APOH: variants seen among roughly 807,000 people sequenced by gnomAD.
APOH encodes the protein apolipoprotein H, also known as beta-2-glycoprotein 1.
Under a neutral mutation model 39.8 loss-of-function variants are expected in APOH, and 48 were observed. That is an observed-to-expected ratio of 1.21 (90% CI 0.96 to 1.54). The LOEUF (loss-of-function observed/expected upper bound fraction) is 1.54. Among genes scored for constraint, APOH ranks in the 40% most tolerant of loss-of-function variants. The pLI is 0.00. For missense variants in APOH, 415 were observed against 421.2 expected (o/e 0.99, Z 0.13); for synonymous variants, 153 against 151.1 (o/e 1.01, Z -0.09).
intron 4 of APOH, 39 bp from the exon 5 acceptor site, chr17:66,220,781 TA>T (rs1281262453): frequency 6.5e-7 from 1 of 1,549,432 alleles, no homozygotes; most frequent in Non-Finnish European, 8.8e-7. Flanking sequence ...TGAAAATAGT[TA>T]AGGCTTTTAA....
At chr17:66,212,596 G>A (rs1001437702) in intron 7 of APOH, among the ~76,000 whole-genome samples, 1 of 152,122 alleles carries the variant, frequency 6.6e-6, no homozygotes, top group Non-Finnish European at 1.5e-5. Context: ...TGTTGGCCAG[G>A]CTGGCCTCCT....
At chr17:66,213,745 C>T (rs1274782494) in intron 7 of APOH, among the ~76,000 whole-genome samples, 1 of 152,018 alleles carries the variant, frequency 6.6e-6, no homozygotes, top group Non-Finnish European at 1.5e-5. Flanking sequence ...CAAAACCAGC[C>T]TTGGCAACAT....
rs1243163586 is a variant in APOH, at chr17:66,223,695, T to TA, written c.415+2dup. ...CAGCTGATCACCTTGCCCACAGACT[T>TA]ACGAGCACAGACAGGAAGCTCCGGG... On this transcript the variant is annotated splice_region_variant and intron_variant, in intron 4 of 7. Coordinates refer to ENST00000205948, the MANE Select transcript of APOH (RefSeq NM_000042.3). The TA allele has an allele frequency of 2.5e-6, 4 of 1,613,938 alleles. No individual in the cohort carries two copies. The highest frequency in any genetic ancestry group is 3.4e-6 in the Non-Finnish European group (4 of 1,179,920).
Position 66,228,023 on chromosome 17 carries a change from T to C in APOH, c.238A>G (p.Thr80Ala). The change falls in exon 2 of 8, where the codon ACA (threonine) becomes GCA (alanine). Residue 80 changes from threonine (T) to alanine (A), a missense_variant. Physicochemically the swap from Thr to Ala is moderately conservative, Grantham distance 58. Around this residue, in one of 3 missense-constraint regions of APOH, gnomAD observed 288 missense variants for 284.9 expected, o/e 1.01. Coordinates refer to ENST00000205948, the MANE Select transcript of APOH (RefSeq NM_000042.3). ...GLWPINTLKC[T>A]PRVCPFAGIL... ...GTGAGAGAAGGTACTGACTTACGTG[T>C]ACATTTCAGAGTGTTGATGGGCCAC... 1 of 1,613,122 alleles carries C rather than the reference T, an allele frequency of 6.2e-7. No homozygotes were observed. The highest frequency in any genetic ancestry group is 8.5e-7 in the Non-Finnish European group (1 of 1,179,608).
intron 4 of APOH, among the ~76,000 whole-genome samples, chr17:66,221,183 T>A (rs911634847): frequency 2.0e-5 from 3 of 146,940 alleles, no homozygotes; most frequent in African/African-American, 7.6e-5. Flanking sequence ...ACAGAGTGAG[T>A]CTGTCTCAGA....
At chr17:66,213,895 A>G (rs2073349124) in intron 7 of APOH, among the ~76,000 whole-genome samples, 1 of 151,954 alleles carries the variant, frequency 6.6e-6, no homozygotes, top group African/African-American at 2.4e-5. Flanking sequence ...ATGTGATCGC[A>G]ACACTGCACT....
rs1223088808 is a variant in APOH at position 66,217,369 on chromosome 17, A to G, written c.605-402T>C. Among the ~76,000 whole-genome samples the G allele has an allele frequency of 3.0e-5, 4 of 132,354 alleles. No homozygotes were observed. In the East Asian group the frequency reaches 1.1e-3, roughly 35 times the overall value. 86.8% of individuals were successfully genotyped at this position (132,354 alleles called of 152,430 possible). A position where few individuals can be genotyped will look rare whatever the true frequency, so the allele number is the denominator to read the frequency against. Reference sequence around the variant, plus strand: ...ACCCCCCCCCCCATTCACACTTAGTACACCATTATTTGGCTTTAAAATAGT... The same window carrying G: ...ACCCCCCCCCCCATTCACACTTAGTGCACCATTATTTGGCTTTAAAATAGT... On this transcript the variant is annotated intron_variant, in intron 5 of 7. Transcript: ENST00000205948.
At position 66,212,118 on chromosome 17, in the gene APOH, A is replaced by C. The variant is rs1161922555; in HGVS notation, c.*15T>G. Reference sequence around the variant, plus strand: ...GAAACAAGTGTGACATTTTGTGTGGAATCTGAAAACCACCTTAGCATGGCT... The same window carrying C: ...GAAACAAGTGTGACATTTTGTGTGGCATCTGAAAACCACCTTAGCATGGCT... On this transcript the variant is annotated 3_prime_UTR_variant, in exon 8 of 8. Coordinates refer to ENST00000205948, the MANE Select transcript of APOH (RefSeq NM_000042.3). 6.2e-7 allele frequency: 1 copy of C among 1,608,750 alleles called. No homozygotes were observed.
At chr17:66,220,826 A>C (rs1023174155) in intron 4 of APOH, 84 bp from the exon 5 acceptor site, 10 of 1,339,142 alleles carry the variant, frequency 7.5e-6, no homozygotes, top group Non-Finnish European at 9.1e-6. Context: ...AAAAAACCCT[A>C]AGGATAAACT....
At chr17:66,212,836 A>G (rs1229339727) in intron 7 of APOH, among the ~76,000 whole-genome samples, 2 of 152,228 alleles carry the variant, frequency 1.3e-5, no homozygotes, top group Non-Finnish European at 2.9e-5. Flanking sequence ...AAATATATCA[A>G]CAAAGCTAAG....
intron 6 of APOH, 129 bp from the exon 7 acceptor site, chr17:66,214,779 A>AT: frequency 1.4e-6 from 1 of 720,216 alleles, no homozygotes; most frequent in Admixed American, 2.7e-5. Context: ...ATCCAAGAAT[A>AT]TATATAGTAA....
In APOH at chr17:66,229,335, A is replaced by G; in HGVS notation, c.45T>C (p.His15=). The change falls in exon 1 of 8, where the codon CAT becomes CAC. Residue 15 remains histidine (H), a synonymous_variant. Coordinates refer to ENST00000205948, the MANE Select transcript of APOH (RefSeq NM_000042.3). ...VLILFSSFLC[H]VAIAGRTCPK... Reference sequence around the variant, plus strand: ...ACTTACTCCGTCCTGCAATAGCAACATGGCAGAGAAAACTCGAGAACAAGA... The same window carrying G: ...ACTTACTCCGTCCTGCAATAGCAACGTGGCAGAGAAAACTCGAGAACAAGA... 1 of 1,613,864 alleles carries G rather than the reference A, an allele frequency of 6.2e-7. No individual in the cohort carries two copies. The highest frequency in any genetic ancestry group is 1.1e-5 in the South Asian group (1 of 91,046).
chr17:66,219,405 T>C (rs1470389405), intron 5 of APOH, among the ~76,000 whole-genome samples: 3 of 151,404 alleles, frequency 2.0e-5, no homozygotes, highest in African/African-American at 7.3e-5. Flanking sequence ...TACGTCTAGG[T>C]GAAATTGAAA....
At chr17:66,219,133 A>G (rs1206835367) in intron 5 of APOH, among the ~76,000 whole-genome samples, 1 of 152,156 alleles carries the variant, frequency 6.6e-6, no homozygotes, top group African/African-American at 2.4e-5. Context: ...TTCTGGGTCA[A>G]TTGGGAAAAT....
chr17:66,221,416 G>GAAGGAAGGGAGGAAGGAAGGA (rs2073401976), intron 4 of APOH, among the ~76,000 whole-genome samples: 5 of 111,704 alleles, frequency 4.5e-5, no homozygotes, highest in African/African-American at 1.2e-4. Flanking sequence ...AGGAAGGAAG[G>GAAGGAAGGGAGGAAGGAAGGA]AAGGAAGGAA....
At chr17:66,221,416 G>GAAGGGAGGAAGGAAGGAAGGA (rs2073401875) in intron 4 of APOH, among the ~76,000 whole-genome samples, 1 of 111,660 alleles carries the variant, frequency 9.0e-6, no homozygotes, top group African/African-American at 4.0e-5. Context: ...AGGAAGGAAG[G>GAAGGGAGGAAGGAAGGAAGGA]AAGGAAGGAA....
At chr17:66,218,799 C>T (rs1010980184) in intron 5 of APOH, among the ~76,000 whole-genome samples, 2 of 151,642 alleles carry the variant, frequency 1.3e-5, no homozygotes, top group African/African-American at 2.4e-5. Context: ...CATTTTAGTT[C>T]GGGAGTTTGA....
intron 4 of APOH, among the ~76,000 whole-genome samples, chr17:66,223,128 T>C (rs1251109682): frequency 6.6e-6 from 1 of 152,226 alleles, no homozygotes; most frequent in East Asian, 1.9e-4. Flanking sequence ...GTTGGCTTAC[T>C]GTGAGGGTGA....
rs779556036 is a variant in APOH at position 66,216,983 on chromosome 17, A to C, written c.605-16T>G. On this transcript the variant is annotated splice_polypyrimidine_tract_variant and intron_variant, in intron 5 of 7. Transcript: ENST00000205948. ...CATTTTACTTCTAAAACATTTATTC[A>C]ATAAGACATATTAGTAATAAATAGT... The C allele has an allele frequency of 1.9e-6, 3 of 1,567,266 alleles. No homozygotes were observed. Among genetic ancestry groups the C allele is most frequent in the Non-Finnish European group, 2.6e-6 (3 of 1,157,352 alleles).
Sources: allele counts gnomAD v4.1 joint callset (sites outside exome capture counted in the v4.1 genomes callset), GRCh38; gene constraint gnomAD v4.1.1; regional missense constraint gnomAD v4.1.1; transcripts MANE v1.5; gene names NCBI Gene and HGNC (gene_info 2026-07-23, HGNC 2026-07-21).